Variants in ETV6 observed in about 807,000 individuals in gnomAD.
ETV6 encodes the protein ETS variant transcription factor 6.
ETV6 carries 16 observed loss-of-function variants against 51.1 expected under a neutral mutation model. That is an observed-to-expected ratio of 0.31 (90% CI 0.21 to 0.48). The LOEUF is 0.48. Ranked by LOEUF, ETV6 falls within the 20% of genes least tolerant of loss-of-function variation. ETV6 has a pLI of 0.99. For synonymous variants in ETV6, 240 were observed against 224.1 expected (o/e 1.07, Z -0.64); for missense variants, 458 against 594.8 (o/e 0.77, Z 2.39).
intron 5 of ETV6, 97 bp from the exon 6 acceptor site, chr12:11,884,348 A>G (rs1947154878): frequency 1.5e-6 from 2 of 1,349,752 alleles, no homozygotes; most frequent in Non-Finnish European, 2.1e-6. Context: ...AACCCAAGCT[A>G]GGCAGAAGCA....
At chr12:11,687,462 G>A (rs1424607550) in intron 1 of ETV6, among the ~76,000 whole-genome samples, 1 of 152,004 alleles carries the variant, frequency 6.6e-6, no homozygotes, top group African/African-American at 2.4e-5. Context: ...CATTACAGGC[G>A]TGACCCGCAC....
chr12:11,891,614 C>T lies in ETV6; in HGVS notation c.*568C>T, dbSNP rs1464956488. 1.9e-6 allele frequency: 1 copy of T among 527,466 alleles called. No individual in the cohort carries two copies. The highest frequency in any genetic ancestry group is 3.7e-6 in the Non-Finnish European group (1 of 273,122). The allele number at this position is 527,466 out of a possible 1,614,324, so 32.7% of individuals were successfully genotyped here. A position where few individuals can be genotyped will look rare whatever the true frequency, so the allele number is the denominator to read the frequency against. On this transcript the variant is annotated 3_prime_UTR_variant, in exon 8 of 8. Coordinates refer to ENST00000396373, the MANE Select transcript of ETV6 (RefSeq NM_001987.5). ...GGGTCTTGGCTGAAAAAAAAAAATG[C>T]TTTTAAAAAAGATAAAATGAAAAGG...
intron 2 of ETV6, among the ~76,000 whole-genome samples, chr12:11,775,307 C>T (rs1394513997): frequency 6.6e-6 from 1 of 152,212 alleles, no homozygotes; most frequent in Non-Finnish European, 1.5e-5. Context: ...CTCCCTCACA[C>T]AGATTCTAAT....
chr12:11,884,675 C>G (rs1947159293), intron 6 of ETV6, 88 bp downstream of exon 6: 1 of 1,501,154 alleles, frequency 6.7e-7, no homozygotes. Context: ...CTGTCTTCTG[C>G]TTTTTACGTC....
intron 2 of ETV6, among the ~76,000 whole-genome samples, chr12:11,824,964 A>T (rs1021794352): frequency 6.6e-6 from 1 of 152,234 alleles, no homozygotes; most frequent in African/African-American, 2.4e-5. Flanking sequence ...TTGTCTTCAG[A>T]TGAAAATGAG....
intron 4 of ETV6, among the ~76,000 whole-genome samples, chr12:11,854,838 A>C (rs181641164): frequency 1.3e-3 from 193 of 152,320 alleles, no homozygotes; most frequent in African/African-American, 4.4e-3. Flanking sequence ...CTTTCTGCAT[A>C]GGGCACCAAA....
intron 1 of ETV6, among the ~76,000 whole-genome samples, chr12:11,728,644 A>G (rs1425531016): frequency 6.6e-6 from 1 of 152,220 alleles, no homozygotes; most frequent in African/African-American, 2.4e-5. Context: ...GCCTTAAAAA[A>G]AAAAGGTCCA....
At chr12:11,850,790 A>G (rs970066981) in intron 3 of ETV6, among the ~76,000 whole-genome samples, 3 of 152,320 alleles carry the variant, frequency 2.0e-5, no homozygotes, top group South Asian at 4.1e-4. Flanking sequence ...CCTCTTCACC[A>G]TGCTGCTGTC....
At chr12:11,770,170 C>G (rs4393409) in intron 2 of ETV6, among the ~76,000 whole-genome samples, 67 of 152,194 alleles carry the variant, frequency 4.4e-4, no homozygotes, top group East Asian at 3.1e-3. Flanking sequence ...GGAAACAGCT[C>G]TGGGGAAAAG....
rs372555234 is a variant in ETV6, at chr12:11,891,600, GA to G, written c.*565del. 0.11 allele frequency: 43,508 copies of G among 403,430 alleles called. 1,027 individuals carry two copies. Among genetic ancestry groups the G allele is most frequent in the South Asian group, 0.14 (6,000 of 43,362 alleles). The allele number at this position is 403,430 out of a possible 1,614,324, so 25.0% of individuals were successfully genotyped here. ...TTCCTGTTACTGTTGGGTCTTGGCT[GA>G]AAAAAAAAAATGCTTTTAAAAAAGA... On this transcript the variant is annotated 3_prime_UTR_variant, in exon 8 of 8. Transcript: ENST00000396373.
At chr12:11,770,743 G>T (rs1410498174) in intron 2 of ETV6, among the ~76,000 whole-genome samples, 1 of 152,134 alleles carries the variant, frequency 6.6e-6, no homozygotes, top group Non-Finnish European at 1.5e-5. Context: ...TAAAGAATAA[G>T]TCACGGCTAA....
At chr12:11,710,638 C>T (rs886209470) in intron 1 of ETV6, among the ~76,000 whole-genome samples, 4 of 152,120 alleles carry the variant, frequency 2.6e-5, no homozygotes, top group African/African-American at 9.7e-5. Context: ...TATCACAATG[C>T]TAGTATTATA....
At chr12:11,802,164 G>A (rs1255861736) in intron 2 of ETV6, among the ~76,000 whole-genome samples, 1 of 152,224 alleles carries the variant, frequency 6.6e-6, no homozygotes, top group African/African-American at 2.4e-5. Context: ...CTCTGCTGCT[G>A]AGAGGATGGG....
chr12:11,686,999 C>T (rs1864643231), intron 1 of ETV6, among the ~76,000 whole-genome samples: 1 of 152,168 alleles, frequency 6.6e-6, no homozygotes, highest in African/African-American at 2.4e-5. Context: ...GATTCTCCTG[C>T]CTCTGCCTCC....
At chr12:11,752,892 G>A (rs1866066032) in intron 2 of ETV6, 3 of 234,374 alleles carry the variant, frequency 1.3e-5, no homozygotes, top group Non-Finnish European at 2.5e-5. Flanking sequence ...CTGTGTGTGT[G>A]CAAAGTTTAT....
At chr12:11,888,932 C>G (rs1947246918) in intron 7 of ETV6, among the ~76,000 whole-genome samples, 1 of 152,060 alleles carries the variant, frequency 6.6e-6, no homozygotes, top group Non-Finnish European at 1.5e-5. Context: ...ATTAGGGATG[C>G]TCAGCCTGTA....
At chr12:11,694,651 C>A (rs886756391) in intron 1 of ETV6, among the ~76,000 whole-genome samples, 1 of 152,180 alleles carries the variant, frequency 6.6e-6, no homozygotes, top group Non-Finnish European at 1.5e-5. Context: ...TCTTTTTCCA[C>A]CTGGTTATTG....
chr12:11,742,759 A>G (rs937025443), intron 1 of ETV6, among the ~76,000 whole-genome samples: 5 of 151,682 alleles, frequency 3.3e-5, no homozygotes, highest in Admixed American at 2.0e-4. Flanking sequence ...TTGCAAGAAG[A>G]TCAAAATATT....
At chr12:11,874,662 A>G (rs61921361) in intron 5 of ETV6, among the ~76,000 whole-genome samples, 790 of 3,478 alleles carry the variant, frequency 0.23, 83 homozygotes, top group East Asian at 0.71. Flanking sequence ...ATGTGTGTAT[A>G]TGTATATATG....
Sources: gnomAD v4.1 joint callset for allele counts (sites outside exome capture counted in the v4.1 genomes callset) on GRCh38, gnomAD v4.1.1 for gene constraint, MANE v1.5 for transcripts, NCBI Gene and HGNC (gene_info 2026-07-23, HGNC 2026-07-21) for gene names.